Variants in TRERF1 observed in about 807,000 individuals in gnomAD.
The protein encoded by TRERF1 is transcriptional regulating factor 1, also known as transcriptional-regulating factor 1.
TRERF1 carries 27 observed loss-of-function variants against 122.9 expected under a neutral mutation model. The ratio of observed to expected loss-of-function variants is 0.22; its 90% CI spans 0.16 to 0.30. The LOEUF is 0.30. TRERF1 is among the 10% of genes least tolerant of loss of function. The pLI, the probability that TRERF1 is intolerant of heterozygous loss-of-function variation, is 1.00. For missense variants in TRERF1, 1,248 were observed against 1,560.3 expected (o/e 0.80, Z 3.37); for synonymous variants, 636 against 641.7 (o/e 0.99, Z 0.13).
chr6:42,333,839 G>A (rs541568026), intron 3 of TRERF1, among the ~76,000 whole-genome samples: 2 of 152,134 alleles, frequency 1.3e-5, no homozygotes, highest in Non-Finnish European at 2.9e-5. Context: ...TGAGGCCCAG[G>A]GCAGTGACGA....
intron 4 of TRERF1, among the ~76,000 whole-genome samples, chr6:42,297,555 C>A (rs1337128269): frequency 6.6e-6 from 1 of 152,208 alleles, no homozygotes; most frequent in African/African-American, 2.4e-5. Flanking sequence ...AACACAGAGA[C>A]TGCAAGAAAA....
chr6:42,399,247 T>C (rs1330998763), intron 2 of TRERF1, among the ~76,000 whole-genome samples: 1 of 152,234 alleles, frequency 6.6e-6, no homozygotes, highest in Non-Finnish European at 1.5e-5. Context: ...TAGGTCCCTC[T>C]CATAGGTTTC....
Position 42,263,462 on chromosome 6 carries a change from G to A in TRERF1, c.1742C>T (p.Pro581Leu), listed in dbSNP as rs1489399813. 2 of 1,596,952 alleles carry A rather than the reference G, an allele frequency of 1.3e-6. No individual in the cohort carries two copies. Among genetic ancestry groups the A allele is most frequent in the Admixed American group, 1.7e-5 (1 of 58,340 alleles). ...AGGGACAGACACGGGCATGACCATA[G>A]GCGTGAGGCTTTCTGCCTCGGGAGG... The change falls in exon 8 of 18, where the codon CCT becomes CTT. Residue 581 changes from proline to leucine, a missense_variant. Pro to Leu is a moderately conservative substitution (Grantham distance 98, BLOSUM62 -3). This residue lies in a region of TRERF1 where 946 missense variants were observed against 1,073.0 expected (regional missense o/e 0.88). Coordinates refer to ENST00000372922, the Ensembl canonical transcript of TRERF1. This position sits in a 1 kb window ranked among gnomAD's most constrained non-coding sequence, Gnocchi z 5.6.
chr6:42,329,571 CAG>C (rs1209527459), intron 3 of TRERF1, among the ~76,000 whole-genome samples: 3 of 152,158 alleles, frequency 2.0e-5, no homozygotes, highest in African/African-American at 7.2e-5. Context: ...AACTCAGTCA[CAG>C]ATGCATTTGC....
rs1263204619 is a variant in TRERF1, at chr6:42,259,765, C to T, written c.1885-42G>A. 6.3e-7 allele frequency: 1 copy of T among 1,597,812 alleles called. No individual in the cohort carries two copies. The highest frequency in any genetic ancestry group is 1.3e-5 in the African/African-American group (1 of 74,768). On this transcript the variant is annotated intron_variant, in intron 8 of 17. Transcript: ENST00000372922. This position sits in a 1 kb window ranked among gnomAD's most constrained non-coding sequence, Gnocchi z 4.9. ...GATCTGATTCGAATACTTCAGCTTC[C>T]CCCGCAGGCCATTTCCACAGGTTCA...
At position 42,269,837 on chromosome 6, in the gene TRERF1, C is replaced by T. The variant is rs1779892928; in HGVS notation, c.-247G>A. 9 of 993,096 alleles carry T rather than the reference C, an allele frequency of 9.1e-6. No individual in the cohort carries two copies. The highest frequency in any genetic ancestry group is 1.6e-5 in the African/African-American group (1 of 61,116). The allele number at this position is 993,096 out of a possible 1,614,324, so 61.5% of individuals were successfully genotyped here. A position where few individuals can be genotyped will look rare whatever the true frequency, so the allele number is the denominator to read the frequency against. On this transcript the variant is annotated 5_prime_UTR_variant, in exon 5 of 18. Transcript: ENST00000372922. The surrounding 1 kb of genome is among the most constrained non-coding windows in gnomAD (Gnocchi z 4.9). ...ACCACACAGCACTGTGGTGAGGAGA[C>T]GTCGCTCACACCTGCAAGGCAAGAT...
At chr6:42,282,000 A>C (rs2150052176) in intron 4 of TRERF1, among the ~76,000 whole-genome samples, 1 of 152,356 alleles carries the variant, frequency 6.6e-6, no homozygotes, top group African/African-American at 2.4e-5. Context: ...TTTAGGATAC[A>C]TACCCAGGAG....
At chr6:42,438,740 T>G (rs774591768) in intron 2 of TRERF1, among the ~76,000 whole-genome samples, 1 of 152,206 alleles carries the variant, frequency 6.6e-6, no homozygotes, top group South Asian at 2.1e-4. Flanking sequence ...AGTTTTTAAA[T>G]TTAAGCCCCA....
intron 4 of TRERF1, among the ~76,000 whole-genome samples, chr6:42,278,403 G>T (rs1781686202): frequency 6.6e-6 from 1 of 152,164 alleles, no homozygotes; most frequent in Non-Finnish European, 1.5e-5. Context: ...ATAGTTACCT[G>T]GGATTAACAA....
intron 3 of TRERF1, among the ~76,000 whole-genome samples, chr6:42,356,738 C>T (rs1770626980): frequency 6.6e-6 from 1 of 152,026 alleles, no homozygotes; most frequent in Non-Finnish European, 1.5e-5. Flanking sequence ...CCACACCTGG[C>T]TAATTTTTCT....
At chr6:42,370,625 G>A (rs866630087) in intron 2 of TRERF1, among the ~76,000 whole-genome samples, 1 of 152,150 alleles carries the variant, frequency 6.6e-6, no homozygotes, top group Non-Finnish European at 1.5e-5. Flanking sequence ...GTCACAGACT[G>A]GCATAGAGAA....
intron 2 of TRERF1, among the ~76,000 whole-genome samples, chr6:42,391,443 G>A (rs532798911): frequency 5.3e-5 from 8 of 150,564 alleles, no homozygotes; most frequent in South Asian, 4.2e-4. Flanking sequence ...TTTCCCAGCC[G>A]GGGGGAACAA....
At chr6:42,281,713 A>C (rs972014606) in intron 4 of TRERF1, among the ~76,000 whole-genome samples, 1 of 152,210 alleles carries the variant, frequency 6.6e-6, no homozygotes, top group African/African-American at 2.4e-5. Context: ...GGCGGGTCAC[A>C]GAGGGGTGGC....
intron 3 of TRERF1, among the ~76,000 whole-genome samples, chr6:42,340,834 AT>A (rs1328439421): frequency 1.3e-5 from 2 of 152,204 alleles, no homozygotes; most frequent in African/African-American, 4.8e-5. Context: ...GAAATGATCA[AT>A]TTCTTTCTAG....
At chr6:42,241,587 G>A (rs561448911) in intron 15 of TRERF1, among the ~76,000 whole-genome samples, 74 of 151,858 alleles carry the variant, frequency 4.9e-4, no homozygotes, top group African/African-American at 1.3e-3. Context: ...TCAGCCTCCC[G>A]AGTAGCTGGG....
intron 3 of TRERF1, among the ~76,000 whole-genome samples, chr6:42,302,716 G>A (rs1786441040): frequency 6.6e-6 from 1 of 152,236 alleles, no homozygotes; most frequent in South Asian, 2.1e-4. Context: ...GTACAAATAA[G>A]TCAGTACAGT....
At chr6:42,397,206 T>C (rs1483768856) in intron 2 of TRERF1, among the ~76,000 whole-genome samples, 1 of 152,048 alleles carries the variant, frequency 6.6e-6, no homozygotes, top group Non-Finnish European at 1.5e-5. Context: ...CATCGGAGTA[T>C]GGAGACAAGA....
At chr6:42,424,629 G>A (rs958773046) in intron 2 of TRERF1, among the ~76,000 whole-genome samples, 12 of 152,094 alleles carry the variant, frequency 7.9e-5, no homozygotes, top group African/African-American at 1.4e-4. Context: ...CAAGTTACAC[G>A]CCTACCAGCA....
At chr6:42,279,506 T>C (rs899794927) in intron 4 of TRERF1, among the ~76,000 whole-genome samples, 1 of 152,176 alleles carries the variant, frequency 6.6e-6, no homozygotes, top group Non-Finnish European at 1.5e-5. Flanking sequence ...CTGACCCCCT[T>C]GGCCCCACCT....
Sources: gnomAD v4.1 joint callset for allele counts (sites outside exome capture counted in the v4.1 genomes callset) on GRCh38, gnomAD v4.1.1 for gene constraint, gnomAD v4.1.1 regional missense constraint, Gnocchi (gnomAD v3.1) non-coding constraint, MANE v1.5 for transcripts, NCBI Gene and HGNC (gene_info 2026-07-23, HGNC 2026-07-21) for gene names.